RAI14: variants seen among roughly 807,000 people sequenced by gnomAD.
RAI14 encodes retinoic acid induced 14.
RAI14 carries 45 observed loss-of-function variants against 115.4 expected under a neutral mutation model. The ratio of observed to expected loss-of-function variants is 0.39; its 90% CI spans 0.31 to 0.50. The LOEUF is 0.50. Among genes scored for constraint, RAI14 ranks in the 20% least tolerant of loss-of-function variants. The pLI, the probability that RAI14 is intolerant of heterozygous loss-of-function variation, is 0.85. For missense variants in RAI14, 939 were observed against 1,131.2 expected (o/e 0.83, Z 2.44); for synonymous variants, 371 against 415.4 (o/e 0.89, Z 1.30).
intron 3 of RAI14, among the ~76,000 whole-genome samples, chr5:34,777,772 C>G (rs767562630): frequency 1.1e-4 from 16 of 151,898 alleles, no homozygotes; most frequent in Non-Finnish European, 2.1e-4. Context: ...GAGCGAGACT[C>G]CGTCTCAAAA....
At chr5:34,803,814 T>C (rs780045420) in intron 5 of RAI14, 38 bp downstream of exon 5, 4 of 1,557,474 alleles carry the variant, frequency 2.6e-6, no homozygotes, top group Non-Finnish European at 3.5e-6. Flanking sequence ...AATGTGTCGG[T>C]TTTACAATTT....
At chr5:34,799,763 C>A (rs980029788) in intron 4 of RAI14, among the ~76,000 whole-genome samples, 1 of 146,960 alleles carries the variant, frequency 6.8e-6, no homozygotes. Context: ...TCTCGGCTCA[C>A]TGCAAGCTCC....
intron 2 of RAI14, among the ~76,000 whole-genome samples, chr5:34,716,559 C>T (rs768118461): frequency 7.2e-5 from 11 of 152,008 alleles, no homozygotes; most frequent in Non-Finnish European, 1.5e-4. Context: ...CCTACAGGTG[C>T]GTGCCACCAT....
chr5:34,674,992 G>A (rs997771002), intron 1 of RAI14, among the ~76,000 whole-genome samples: 14 of 151,770 alleles, frequency 9.2e-5, no homozygotes, highest in Non-Finnish European at 1.6e-4. Flanking sequence ...CACCTCCTGG[G>A]TTCAAGTGAT....
intron 3 of RAI14, among the ~76,000 whole-genome samples, chr5:34,772,447 G>A (rs1286939790): frequency 2.6e-5 from 4 of 152,196 alleles, no homozygotes; most frequent in Admixed American, 2.0e-4. Context: ...AGTTTTCCTC[G>A]TCTGTTAAAT....
chr5:34,762,925 G>GT (rs1210217753), intron 3 of RAI14, among the ~76,000 whole-genome samples: 5 of 127,380 alleles, frequency 3.9e-5, no homozygotes, highest in African/African-American at 1.4e-4. Flanking sequence ...TAAGGAGTGT[G>GT]TGCATGTGTG....
intron 13 of RAI14, 53 bp downstream of exon 13, chr5:34,818,904 G>T (rs1022981833): frequency 3.6e-5 from 55 of 1,520,900 alleles, no homozygotes; most frequent in Non-Finnish European, 4.3e-5. Context: ...ACTATTTCAT[G>T]TCCATTTAAA....
intron 2 of RAI14, among the ~76,000 whole-genome samples, chr5:34,691,637 GA>G (rs1738615253): frequency 6.6e-6 from 1 of 152,180 alleles, no homozygotes; most frequent in Admixed American, 6.5e-5. Context: ...AAATGGGGTT[GA>G]AAGATCTTTG....
intron 10 of RAI14, among the ~76,000 whole-genome samples, chr5:34,812,534 G>T (rs1755728212): frequency 1.3e-5 from 2 of 151,982 alleles, no homozygotes; most frequent in Non-Finnish European, 2.9e-5. Context: ...GCATGGTGGT[G>T]CGTGCCTGTA....
intron 3 of RAI14, among the ~76,000 whole-genome samples, chr5:34,781,384 A>C (rs1751617707): frequency 6.6e-6 from 1 of 152,152 alleles, no homozygotes; most frequent in African/African-American, 2.4e-5. Context: ...ATAATAAAAA[A>C]AGTAAAAGCT....
chr5:34,793,285 C>A (rs1000639294), intron 3 of RAI14, among the ~76,000 whole-genome samples: 2 of 152,174 alleles, frequency 1.3e-5, no homozygotes, highest in African/African-American at 4.8e-5. Flanking sequence ...TATCATAACA[C>A]GTTCATCAGA....
intron 2 of RAI14, chr5:34,688,154 C>T: frequency 2.6e-6 from 4 of 1,541,050 alleles, no homozygotes; most frequent in South Asian, 2.4e-5. Flanking sequence ...TCCTGGTCAT[C>T]CGACTTCCGA....
chr5:34,757,673 T>C, intron 3 of RAI14, 75 bp downstream of exon 3: 2 of 1,489,316 alleles, frequency 1.3e-6, no homozygotes, highest in Non-Finnish European at 1.8e-6. Context: ...TTAGTATCCA[T>C]AGGGGAATTT....
At chr5:34,824,587 G>A (rs1370395942) in intron 15 of RAI14, 96 bp downstream of exon 15, 8 of 979,614 alleles carry the variant, frequency 8.2e-6, no homozygotes, top group Non-Finnish European at 1.2e-5. Flanking sequence ...GCACTAAACT[G>A]GAGTGAATGC....
At chr5:34,799,518 ACACACACACACACACACACAC>A (rs1227310544) in intron 4 of RAI14, among the ~76,000 whole-genome samples, 1 of 116,450 alleles carries the variant, frequency 8.6e-6, no homozygotes, top group Admixed American at 1.0e-4. Context: ...ACACACACAC[ACACACACACACACACACACAC>A]AAAACCACCT....
At chr5:34,720,957 C>T (rs1419577108) in intron 2 of RAI14, among the ~76,000 whole-genome samples, 1 of 152,006 alleles carries the variant, frequency 6.6e-6, no homozygotes, top group Non-Finnish European at 1.5e-5. Flanking sequence ...TCCGGAGTAG[C>T]TGGAATTACA....
At chr5:34,677,621 A>AT (rs1331225703) in intron 1 of RAI14, among the ~76,000 whole-genome samples, 19 of 151,888 alleles carry the variant, frequency 1.3e-4, no homozygotes, top group Admixed American at 7.2e-4. Flanking sequence ...ATTTACTTTT[A>AT]TTTTTGTAGA....
intron 1 of RAI14, among the ~76,000 whole-genome samples, chr5:34,681,844 T>TTTTCTTTC (rs200032607): frequency 7.6e-6 from 1 of 132,406 alleles, no homozygotes; most frequent in African/African-American, 2.9e-5. Context: ...TAACCTGGAA[T>TTTTCTTTC]TTTCTTTCTT....
chr5:34,812,169 T>C lies in RAI14; in HGVS notation c.737-11T>C, dbSNP rs763232013. On this transcript the variant is annotated splice_polypyrimidine_tract_variant and intron_variant, in intron 9 of 17. Transcript: ENST00000265109. ...TTCTTATAGTTCTTTTTTTCACTTT[T>C]TCCTCTATAGATTTAAAGACCCCAA... is the stretch of plus-strand genomic sequence containing the variant. 2 of 1,575,564 alleles carry C rather than the reference T, an allele frequency of 1.3e-6. No individual in the cohort carries two copies.
Sources: allele counts gnomAD v4.1 joint callset (sites outside exome capture counted in the v4.1 genomes callset), GRCh38; gene constraint gnomAD v4.1.1; transcripts MANE v1.5; gene names NCBI Gene and HGNC (gene_info 2026-07-23, HGNC 2026-07-21).